The following ANKHD1 variants were observed in gnomAD, a reference collection of about 807,000 sequenced individuals.
ANKHD1 encodes the protein ankyrin repeat and KH domain containing 1.
Under a neutral mutation model 230.5 loss-of-function variants are expected in ANKHD1, and 31 were observed. The observed-to-expected ratio is 0.13, with a 90% CI of 0.10 to 0.18. The LOEUF (loss-of-function observed/expected upper bound fraction) is 0.18, where lower values mean the gene tolerates loss of function less well. Among genes scored for constraint, ANKHD1 ranks in the 10% least tolerant of loss-of-function variants. ANKHD1 has a pLI of 1.00. For synonymous variants in ANKHD1, 1,074 were observed against 1,117.6 expected (o/e 0.96, Z 0.78); for missense variants, 2,256 against 3,071.3 (o/e 0.73, Z 6.27).
chr5:140,405,393 T>C (rs920137384), intron 1 of ANKHD1, among the ~76,000 whole-genome samples: 14 of 152,150 alleles, frequency 9.2e-5, no homozygotes, highest in African/African-American at 3.4e-4. Context: ...ATCTAGTCTT[T>C]ATAGTATGTG....
chr5:140,468,331 A>G (rs535145878), intron 10 of ANKHD1, among the ~76,000 whole-genome samples: 7 of 151,966 alleles, frequency 4.6e-5, no homozygotes, highest in South Asian at 2.1e-4. Context: ...CTGTAACCAT[A>G]AAGTAAGCCC....
chr5:140,456,680 T>A (rs1239148635), intron 7 of ANKHD1, among the ~76,000 whole-genome samples: 2 of 152,088 alleles, frequency 1.3e-5, no homozygotes, highest in Non-Finnish European at 2.9e-5. Context: ...TAAAACTGGA[T>A]CCCTTCCTTA....
intron 24 of ANKHD1, among the ~76,000 whole-genome samples, chr5:140,520,220 C>A (rs1291245584): frequency 6.6e-6 from 1 of 152,136 alleles, no homozygotes; most frequent in Admixed American, 6.5e-5. Context: ...AAATCAAAAC[C>A]ACAATGAGAT....
chr5:140,456,911 G>T (rs1464313878), intron 7 of ANKHD1, among the ~76,000 whole-genome samples: 8 of 151,942 alleles, frequency 5.3e-5, no homozygotes, highest in African/African-American at 1.2e-4. Context: ...ACCATCAGAG[G>T]GAACAGGCAA....
chr5:140,419,834 C>A (rs13162216), intron 1 of ANKHD1, among the ~76,000 whole-genome samples: 12 of 103,014 alleles, frequency 1.2e-4, no homozygotes, highest in Non-Finnish European at 1.6e-4. Context: ...TTCTTTCTTT[C>A]TTTTTCTTTC....
intron 7 of ANKHD1, among the ~76,000 whole-genome samples, chr5:140,450,049 A>G (rs1354250052): frequency 6.6e-6 from 1 of 152,192 alleles, no homozygotes; most frequent in Non-Finnish European, 1.5e-5. Flanking sequence ...CTGTAAGCAC[A>G]TATATATCAT....
intron 1 of ANKHD1, among the ~76,000 whole-genome samples, chr5:140,409,612 G>T (rs1040939986): frequency 6.6e-6 from 1 of 151,074 alleles, no homozygotes; most frequent in East Asian, 1.9e-4. Flanking sequence ...GAGTGCAGTG[G>T]CAGGATCTCG....
At position 140,532,355 on chromosome 5, in the gene ANKHD1, T is replaced by C. The variant is rs550871923; in HGVS notation, c.6850+2559T>C. On this transcript the variant is annotated intron_variant, in intron 29 of 33. Coordinates refer to ENST00000360839, the MANE Select transcript of ANKHD1 (RefSeq NM_017747.3). ...TGAAACATCCAGATTAGCAAATCCA[T>C]AGAGACAGAAAGTAGATTAGTGGTT... is the stretch of plus-strand genomic sequence containing the variant. Among the ~76,000 whole-genome samples the C allele has an allele frequency of 4.6e-5, 7 of 152,302 alleles. No individual in the cohort carries two copies. The East Asian group carries it at 1.2e-3, about 25-fold the overall frequency.
chr5:140,515,577 C>T (rs571726201), intron 24 of ANKHD1, among the ~76,000 whole-genome samples: 13 of 152,300 alleles, frequency 8.5e-5, no homozygotes, highest in Admixed American at 7.9e-4. Flanking sequence ...TCTCCCAGCA[C>T]GCAGCTGGAG....
At position 140,531,091 on chromosome 5, in the gene ANKHD1, T is replaced by C. The variant is rs573913872; in HGVS notation, c.6850+1295T>C. Among the ~76,000 whole-genome samples, 14 of 152,348 alleles carry C rather than the reference T, an allele frequency of 9.2e-5. No homozygotes were observed. The East Asian group carries it at 1.7e-3, about 19-fold the overall frequency. ...AACTTTTCATTTGGGGAAAGTAATATAGACTTTGAGAAGCCCCAGGGTGAA... is the reference window on the plus strand; with the variant it reads ...AACTTTTCATTTGGGGAAAGTAATACAGACTTTGAGAAGCCCCAGGGTGAA... On this transcript the variant is annotated intron_variant, in intron 29 of 33. Coordinates refer to ENST00000360839, the MANE Select transcript of ANKHD1 (RefSeq NM_017747.3).
chr5:140,515,220 G>A (rs1466913838), intron 24 of ANKHD1, among the ~76,000 whole-genome samples: 2 of 150,614 alleles, frequency 1.3e-5, no homozygotes, highest in East Asian at 4.0e-4. Flanking sequence ...AGAAGTTGCA[G>A]TGAGCTGAGA....
intron 15 of ANKHD1, among the ~76,000 whole-genome samples, chr5:140,503,836 A>G (rs1442259990): frequency 1.3e-5 from 2 of 151,698 alleles, no homozygotes; most frequent in Non-Finnish European, 2.9e-5. Flanking sequence ...TCAGCCTCCC[A>G]AAGTGCCAGG....
chr5:140,440,503 A>C (rs1420209058), intron 4 of ANKHD1, among the ~76,000 whole-genome samples: 1 of 152,218 alleles, frequency 6.6e-6, no homozygotes, highest in Non-Finnish European at 1.5e-5. Context: ...ATCCTAATGA[A>C]TAAGAAACAA....
intron 10 of ANKHD1, chr5:140,472,573 C>G: frequency 1.5e-6 from 1 of 645,582 alleles, no homozygotes; most frequent in Non-Finnish European, 2.1e-6. Context: ...TTACATTCTC[C>G]TTTATTGGGA....
intron 10 of ANKHD1, among the ~76,000 whole-genome samples, chr5:140,475,192 G>A (rs1750895532): frequency 6.6e-6 from 1 of 152,114 alleles, no homozygotes; most frequent in Non-Finnish European, 1.5e-5. Flanking sequence ...GTCATTATTA[G>A]TATATAGAAA....
chr5:140,441,346 C>T (rs10476907), intron 5 of ANKHD1, among the ~76,000 whole-genome samples: 101,191 of 151,950 alleles, frequency 0.67, 34,140 homozygotes, highest in East Asian at 0.84. Flanking sequence ...GTAGTCAAGA[C>T]TGAGTTTTTG....
intron 33 of ANKHD1, 76 bp downstream of exon 33, chr5:140,539,159 C>T (rs971499553): frequency 5.2e-6 from 8 of 1,531,326 alleles, no homozygotes; most frequent in Middle Eastern, 1.8e-4. Flanking sequence ...AGTATAAGTA[C>T]TGAATATCAA....
chr5:140,475,476 AT>A (rs773262970), intron 10 of ANKHD1, among the ~76,000 whole-genome samples: 2 of 152,244 alleles, frequency 1.3e-5, no homozygotes, highest in Admixed American at 6.5e-5. Context: ...GGATAAAAAA[AT>A]ATTTGATCAA....
At position 140,401,905 on chromosome 5, in the gene ANKHD1, C is replaced by A; in HGVS notation, c.-63C>A. 2 of 1,508,980 alleles carry A rather than the reference C, an allele frequency of 1.3e-6. No individual in the cohort carries two copies. The highest frequency in any genetic ancestry group is 2.5e-5 in the East Asian group (1 of 39,240). 93.5% of individuals were successfully genotyped at this position (1,508,980 alleles called of 1,614,324 possible). The stretch of plus-strand genomic sequence containing the variant: ...TTCCTCTTGCTGCTCTTCTCGTTCC[C>A]GAGATCAGCGGCGGCGGTGACCGCG... On this transcript the variant is annotated 5_prime_UTR_variant, in exon 1 of 34. Coordinates refer to ENST00000360839, the MANE Select transcript of ANKHD1 (RefSeq NM_017747.3).
Sources: gnomAD v4.1 joint callset for allele counts (sites outside exome capture counted in the v4.1 genomes callset) on GRCh38, gnomAD v4.1.1 for gene constraint, MANE v1.5 for transcripts, NCBI Gene and HGNC (gene_info 2026-07-23, HGNC 2026-07-21) for gene names.